The following PRKAR2A variants were observed in gnomAD, a reference collection of about 807,000 sequenced individuals.
The protein encoded by PRKAR2A is protein kinase cAMP-dependent type II regulatory subunit alpha.
Under a neutral mutation model 51.9 loss-of-function variants are expected in PRKAR2A, and 29 were observed. That is an observed-to-expected ratio of 0.56 (90% CI 0.42 to 0.76). The LOEUF (loss-of-function observed/expected upper bound fraction) is 0.76. Among genes scored for constraint, PRKAR2A ranks in the 30% least tolerant of loss-of-function variants. The pLI is 0.00. For synonymous variants in PRKAR2A, 178 were observed against 186.2 expected (o/e 0.96, Z 0.36); for missense variants, 445 against 512.1 (o/e 0.87, Z 1.26).
At chr3:48,845,285 T>C (rs2083444585) in intron 1 of PRKAR2A, among the ~76,000 whole-genome samples, 1 of 152,176 alleles carries the variant, frequency 6.6e-6, no homozygotes, top group African/African-American at 2.4e-5. Context: ...AAACCCATGA[T>C]GTAATGTGCA....
At chr3:48,802,908 C>T (rs1403077632) in intron 2 of PRKAR2A, among the ~76,000 whole-genome samples, 2 of 152,100 alleles carry the variant, frequency 1.3e-5, no homozygotes, top group Non-Finnish European at 1.5e-5. Flanking sequence ...GAGCTAACAG[C>T]TAAAAGGATG....
At chr3:48,767,258 C>T (rs1183014042) in intron 6 of PRKAR2A, among the ~76,000 whole-genome samples, 1 of 152,126 alleles carries the variant, frequency 6.6e-6, no homozygotes. Flanking sequence ...GCAGACGGAT[C>T]GCTTGAGGTC....
chr3:48,776,105 AAAAC>A lies in PRKAR2A; in HGVS notation c.543-3001_543-2998del, dbSNP rs377471790. Reference sequence around the variant, plus strand: ...CTGGGCAACAGAGAGGCTCAGTCTCAAAACAAACAAACAAACAAACAAACAAACG... The same window carrying A: ...CTGGGCAACAGAGAGGCTCAGTCTCAAAACAAACAAACAAACAAACAAACG... On this transcript the variant is annotated intron_variant, in intron 5 of 10. Transcript: ENST00000265563. Among the ~76,000 whole-genome samples the A allele has an allele frequency of 9.8e-3, 1,490 of 152,102 alleles. 22 individuals carry two copies. The highest frequency in any genetic ancestry group is 0.032 in the African/African-American group (1,324 of 41,458).
chr3:48,833,754 G>A (rs1436499905), intron 1 of PRKAR2A, among the ~76,000 whole-genome samples: 3 of 139,920 alleles, frequency 2.1e-5, no homozygotes, highest in East Asian at 2.2e-4. Flanking sequence ...TGTTTCTTCC[G>A]GCCAGGCGCA....
chr3:48,816,601 G>A (rs2082878728), intron 1 of PRKAR2A, among the ~76,000 whole-genome samples: 1 of 151,818 alleles, frequency 6.6e-6, no homozygotes, highest in Non-Finnish European at 1.5e-5. Context: ...TCGCACCACT[G>A]CACTCCAGCC....
At chr3:48,764,052 A>G (rs1055649362) in intron 8 of PRKAR2A, among the ~76,000 whole-genome samples, 2 of 152,122 alleles carry the variant, frequency 1.3e-5, no homozygotes, top group African/African-American at 4.8e-5. Flanking sequence ...CACCTGACCA[A>G]TCTGAGCCTT....
chr3:48,751,537 C>G lies in PRKAR2A; in HGVS notation c.*48G>C, dbSNP rs376989631. 1.2e-6 allele frequency: 2 copies of G among 1,602,156 alleles called. No individual in the cohort carries two copies. The highest frequency in any genetic ancestry group is 1.7e-5 in the Admixed American group (1 of 59,480). ...TTTTCTGTATGTGTTCTGTGGCTGACCAGAAGGTTTTGGTGTCACACTAAG... is the reference window on the plus strand; with the variant it reads ...TTTTCTGTATGTGTTCTGTGGCTGAGCAGAAGGTTTTGGTGTCACACTAAG... On this transcript the variant is annotated 3_prime_UTR_variant, in exon 11 of 11. Coordinates refer to ENST00000265563, the MANE Select transcript of PRKAR2A (RefSeq NM_004157.4).
chr3:48,769,209 G>C (rs1251614239), intron 6 of PRKAR2A, among the ~76,000 whole-genome samples: 1 of 148,246 alleles, frequency 6.7e-6, no homozygotes, highest in Admixed American at 6.7e-5. Flanking sequence ...CCAGGCTGGA[G>C]TGCAGTGGCA....
Position 48,779,230 on chromosome 3 carries a change from G to C in PRKAR2A, c.542+3756C>G, listed in dbSNP as rs552890407. ...CCACCTTGGCCTCCCAAAGTGCTGG[G>C]ATTGCAGGTGCAAACCACTGTGCCA... On this transcript the variant is annotated intron_variant, in intron 5 of 10. Coordinates refer to ENST00000265563, the MANE Select transcript of PRKAR2A (RefSeq NM_004157.4). Among the ~76,000 whole-genome samples the C allele has an allele frequency of 5.3e-5, 8 of 152,244 alleles. No individual in the cohort carries two copies. In the South Asian group the frequency reaches 1.7e-3, roughly 32 times the overall value.
chr3:48,805,297 C>T (rs960337601), intron 2 of PRKAR2A, among the ~76,000 whole-genome samples: 4 of 152,272 alleles, frequency 2.6e-5, no homozygotes, highest in Non-Finnish European at 4.4e-5. Flanking sequence ...GAGACATTCA[C>T]CCATTTCCTG....
chr3:48,751,523 T>C lies in PRKAR2A; in HGVS notation c.*62A>G. Reference sequence around the variant, plus strand: ...TTCTGTCATGTCTGTTTTCTGTATGTGTTCTGTGGCTGACCAGAAGGTTTT... The same window carrying C: ...TTCTGTCATGTCTGTTTTCTGTATGCGTTCTGTGGCTGACCAGAAGGTTTT... On this transcript the variant is annotated 3_prime_UTR_variant, in exon 11 of 11. Coordinates refer to ENST00000265563, the MANE Select transcript of PRKAR2A (RefSeq NM_004157.4). The C allele has an allele frequency of 6.3e-7, 1 of 1,599,476 alleles. No individual in the cohort carries two copies. The highest frequency in any genetic ancestry group is 8.5e-7 in the Non-Finnish European group (1 of 1,170,034).
intron 2 of PRKAR2A, among the ~76,000 whole-genome samples, chr3:48,801,111 C>T (rs1300983470): frequency 6.6e-6 from 1 of 152,162 alleles, no homozygotes; most frequent in East Asian, 1.9e-4. Flanking sequence ...TCTCAAGTAG[C>T]TGGGATTACA....
At chr3:48,835,505 G>A (rs1245681016) in intron 1 of PRKAR2A, among the ~76,000 whole-genome samples, 1 of 151,938 alleles carries the variant, frequency 6.6e-6, no homozygotes, top group Non-Finnish European at 1.5e-5. Context: ...GGCGGGCGTG[G>A]TGGCAGACGC....
At chr3:48,791,587 C>T (rs374350040) in intron 3 of PRKAR2A, among the ~76,000 whole-genome samples, 4 of 84,450 alleles carry the variant, frequency 4.7e-5, no homozygotes, top group Non-Finnish European at 6.3e-5. Flanking sequence ...AGCAAGATTC[C>T]GTCTCAAAAA....
intron 1 of PRKAR2A, among the ~76,000 whole-genome samples, chr3:48,842,910 A>C (rs2083402576): frequency 6.6e-6 from 1 of 152,212 alleles, no homozygotes. Flanking sequence ...CTTTGGTATC[A>C]GGATGATGCT....
intron 2 of PRKAR2A, among the ~76,000 whole-genome samples, chr3:48,801,772 T>C (rs571298758): frequency 1.4e-4 from 21 of 152,186 alleles, no homozygotes; most frequent in African/African-American, 4.8e-4. Context: ...GTTTAATACT[T>C]GTTGCCCAGG....
At chr3:48,825,051 G>A (rs1368141916) in intron 1 of PRKAR2A, among the ~76,000 whole-genome samples, 11 of 35,360 alleles carry the variant, frequency 3.1e-4, no homozygotes, top group Non-Finnish European at 5.7e-5. Context: ...TTTTTTTTTT[G>A]GAGACAGAGT....
intron 1 of PRKAR2A, among the ~76,000 whole-genome samples, chr3:48,826,551 G>A (rs1355526598): frequency 8.6e-5 from 13 of 152,004 alleles, no homozygotes; most frequent in Non-Finnish European, 1.9e-4. Flanking sequence ...ACATAGACAC[G>A]ATTGAATCAT....
chr3:48,767,033 A>G (rs1389092279), intron 6 of PRKAR2A, among the ~76,000 whole-genome samples: 1 of 152,178 alleles, frequency 6.6e-6, no homozygotes, highest in African/African-American at 2.4e-5. Context: ...CACTTCTCAG[A>G]TATGTGTACA....
Sources: allele counts gnomAD v4.1 joint callset (sites outside exome capture counted in the v4.1 genomes callset), GRCh38; gene constraint gnomAD v4.1.1; transcripts MANE v1.5; gene names NCBI Gene and HGNC (gene_info 2026-07-23, HGNC 2026-07-21).